Variants in ABCC2 observed in about 807,000 individuals in gnomAD.
ABCC2 encodes ATP binding cassette subfamily C member 2, also known as ATP-binding cassette sub-family C member 2.
A neutral mutation model predicts 173.4 loss-of-function variants in ABCC2; 157 were observed. The ratio of observed to expected loss-of-function variants is 0.91; its 90% CI spans 0.80 to 1.03. The LOEUF (loss-of-function observed/expected upper bound fraction) is 1.03. Among genes scored for constraint, ABCC2 ranks in the 50% least tolerant of loss-of-function variants. The pLI, the probability that ABCC2 is intolerant of heterozygous loss-of-function variation, is 0.00. For missense variants in ABCC2, 1,822 were observed against 1,852.3 expected (o/e 0.98, Z 0.30); for synonymous variants, 657 against 693.5 (o/e 0.95, Z 0.83).
chr10:99,845,590 G>A, intron 28 of ABCC2, 34 bp from the exon 29 acceptor site: 1 of 1,613,624 alleles, frequency 6.2e-7, no homozygotes, highest in Non-Finnish European at 8.5e-7. Context: ...AGAATTATTT[G>A]TGGAACTAAT....
Position 99,785,214 on chromosome 10 carries a change from G to A in ABCC2, c.207+433G>A, listed in dbSNP as rs541667508. Among the ~76,000 whole-genome samples the A allele has an allele frequency of 3.9e-5, 6 of 152,232 alleles. No individual in the cohort carries two copies. The East Asian group carries it at 9.7e-4, about 25-fold the overall frequency. On this transcript the variant is annotated intron_variant, in intron 2 of 31. Coordinates refer to ENST00000647814, the MANE Select transcript of ABCC2 (RefSeq NM_000392.5). ...AACTATCACTCATCTTCAAAAACTT[G>A]GGTCCGAAATAAGGTTTCCATTTTC...
chr10:99,818,792 T>C lies in ABCC2; in HGVS notation c.2274T>C (p.Gly758=), dbSNP rs2038469973. ...ATATGAATTATTTTCTTCTTCAGGG[T>C]ATAAATCTTAGTGGGGGTCAGAAGC... ...GGDLAEIGEK[G]INLSGGQKQR... The change falls in exon 18 of 32, where the codon GGT becomes GGC. Residue 758 remains glycine (G), a splice_region_variant and synonymous_variant. Coordinates refer to ENST00000647814, the MANE Select transcript of ABCC2 (RefSeq NM_000392.5). The C allele has an allele frequency of 1.2e-6, 2 of 1,614,074 alleles. No homozygotes were observed. Among genetic ancestry groups the C allele is most frequent in the Non-Finnish European group, 1.7e-6 (2 of 1,180,028 alleles).
In ABCC2 at chr10:99,810,126, T is replaced by C. The variant is rs2038183266; in HGVS notation, c.1816-8T>C. 3.1e-6 allele frequency: 5 copies of C among 1,612,664 alleles called. No homozygotes were observed. Among genetic ancestry groups the C allele is most frequent in the Admixed American group, 1.7e-5 (1 of 59,966 alleles). On this transcript the variant is annotated splice_polypyrimidine_tract_variant and splice_region_variant and intron_variant, in intron 13 of 31. Coordinates refer to ENST00000647814, the MANE Select transcript of ABCC2 (RefSeq NM_000392.5). ...TTAATTCTTGAGATCCTTTGTGTCC[T>C]TCTCTAGGCCAGTGTTTCCACAGAG...
chr10:99,798,252 G>T (rs1477506303), intron 7 of ABCC2, among the ~76,000 whole-genome samples: 1 of 152,088 alleles, frequency 6.6e-6, no homozygotes, highest in African/African-American at 2.4e-5. Flanking sequence ...AGTTGTCCTG[G>T]CAAGGGAGAC....
chr10:99,834,381 A>AT lies in ABCC2; in HGVS notation c.3261dup (p.Ile1088TyrfsTer6). On this transcript the variant is annotated frameshift_variant and splice_region_variant, in exon 24 of 32. Transcript: ENST00000647814. LOFTEE classifies it high-confidence loss of function. Reference sequence around the variant, plus strand: ...TATCTCTCCTAATCGTTTTCCTAGGATATTTCCACAGTGGATGACACCCTG... The same window carrying AT: ...TATCTCTCCTAATCGTTTTCCTAGGATTATTTCCACAGTGGATGACACCCTG... 6.2e-7 allele frequency: 1 copy of AT among 1,614,136 alleles called. No homozygotes were observed. The highest frequency in any genetic ancestry group is 8.5e-7 in the Non-Finnish European group (1 of 1,180,002).
intron 20 of ABCC2, 76 bp from the exon 21 acceptor site, chr10:99,830,639 CT>C: frequency 6.2e-7 from 1 of 1,606,728 alleles, no homozygotes; most frequent in South Asian, 1.1e-5. Context: ...TTGATGCCAG[CT>C]GAGTGACTGT....
At chr10:99,841,567 C>T (rs1183902274) in intron 25 of ABCC2, among the ~76,000 whole-genome samples, 1 of 150,164 alleles carries the variant, frequency 6.7e-6, no homozygotes, top group Non-Finnish European at 1.5e-5. Flanking sequence ...AAAACAAAAA[C>T]AAAAAAAAAT....
At chr10:99,798,544 A>G (rs2037960422) in intron 7 of ABCC2, among the ~76,000 whole-genome samples, 2 of 152,174 alleles carry the variant, frequency 1.3e-5, no homozygotes, top group Admixed American at 6.5e-5. Context: ...TGAAACCTGG[A>G]GGGGAAAATC....
chr10:99,848,131 G>A (rs538055604), intron 30 of ABCC2, among the ~76,000 whole-genome samples: 17 of 152,214 alleles, frequency 1.1e-4, no homozygotes, highest in African/African-American at 3.6e-4. Flanking sequence ...GGATCCCCAC[G>A]AGGCTGTTAA....
chr10:99,782,907 C>T (rs2037639929), intron 1 of ABCC2, 30 bp downstream of exon 1: 1 of 1,611,494 alleles, frequency 6.2e-7, no homozygotes, highest in Non-Finnish European at 8.5e-7. Flanking sequence ...TTCATATTGA[C>T]TCTTCTCAGA....
At chr10:99,790,374 AT>A (rs892620929) in intron 2 of ABCC2, among the ~76,000 whole-genome samples, 1 of 151,976 alleles carries the variant, frequency 6.6e-6, no homozygotes, top group African/African-American at 2.4e-5. Flanking sequence ...TTATATACTC[AT>A]TTTTTTACAT....
chr10:99,796,431 G>A (rs1268273812), intron 6 of ABCC2, among the ~76,000 whole-genome samples: 1 of 152,106 alleles, frequency 6.6e-6, no homozygotes, highest in Non-Finnish European at 1.5e-5. Flanking sequence ...TTGAACCTGG[G>A]AGGCAGATCT....
intron 11 of ABCC2, among the ~76,000 whole-genome samples, chr10:99,807,124 C>T (rs1033639076): frequency 3.9e-5 from 6 of 152,208 alleles, no homozygotes; most frequent in Non-Finnish European, 1.5e-5. Flanking sequence ...GGCCTGTGTC[C>T]TAGGCAGCCC....
chr10:99,844,294 C>T (rs760603684), intron 27 of ABCC2, 28 bp from the exon 28 acceptor site: 3 of 1,613,876 alleles, frequency 1.9e-6, no homozygotes, highest in South Asian at 2.2e-5. Flanking sequence ...CCTTATAAAA[C>T]TTACTTCTCA....
chr10:99,851,307 T>C (rs1659531343), intron 31 of ABCC2, among the ~76,000 whole-genome samples, 195 bp from the exon 32 acceptor site: 1 of 152,226 alleles, frequency 6.6e-6, no homozygotes. Context: ...CCTGTATTCT[T>C]CTATTACTTG....
intron 19 of ABCC2, among the ~76,000 whole-genome samples, chr10:99,826,181 T>C (rs1257785445): frequency 6.6e-6 from 1 of 152,242 alleles, no homozygotes; most frequent in Non-Finnish European, 1.5e-5. Context: ...AATTGTAACA[T>C]TTTCCTCCAA....
rs768287142 is a variant in ABCC2, at chr10:99,831,846, A to G, written c.3103+16A>G. The G allele has an allele frequency of 3.7e-6, 6 of 1,613,034 alleles. No individual in the cohort carries two copies. The highest frequency in any genetic ancestry group is 4.5e-5 in the East Asian group (2 of 44,876). The stretch of plus-strand genomic sequence containing the variant: ...TTAGCCCAAGGTATGTCTGATGGCT[A>G]TGACATCTTACAGAATCTGTCTGGA... On this transcript the variant is annotated intron_variant, in intron 22 of 31. Coordinates refer to ENST00000647814, the MANE Select transcript of ABCC2 (RefSeq NM_000392.5).
intron 15 of ABCC2, 85 bp downstream of exon 15, chr10:99,811,687 A>G (rs1306979652): frequency 1.4e-6 from 2 of 1,440,486 alleles, no homozygotes; most frequent in Non-Finnish European, 2.0e-6. Context: ...AATAGAATGC[A>G]TGGGGAAATG....
intron 3 of ABCC2, among the ~76,000 whole-genome samples, chr10:99,792,918 G>A (rs998816235): frequency 5.9e-5 from 9 of 152,074 alleles, no homozygotes; most frequent in Non-Finnish European, 1.2e-4. Flanking sequence ...TCTGGCAATC[G>A]CAAACCTACG....
Sources: allele counts gnomAD v4.1 joint callset (sites outside exome capture counted in the v4.1 genomes callset), GRCh38; gene constraint gnomAD v4.1.1; transcripts MANE v1.5; gene names NCBI Gene and HGNC (gene_info 2026-07-23, HGNC 2026-07-21).